Variants in CLEC16A observed in about 807,000 individuals in gnomAD.
CLEC16A encodes C-type lectin domain containing 16A.
CLEC16A carries 51 observed loss-of-function variants against 109.5 expected under a neutral mutation model. The ratio of observed to expected loss-of-function variants is 0.47; its 90% CI spans 0.37 to 0.59. The LOEUF (loss-of-function observed/expected upper bound fraction) is 0.59, where lower values mean the gene tolerates loss of function less well. Among genes scored for constraint, CLEC16A ranks in the 20% least tolerant of loss-of-function variants. The pLI, the probability that CLEC16A is intolerant of heterozygous loss-of-function variation, is 0.00. For missense variants in CLEC16A, 1,339 were observed against 1,394.0 expected (o/e 0.96, Z 0.63); for synonymous variants, 673 against 564.2 (o/e 1.19, Z -2.73).
intron 20 of CLEC16A, among the ~76,000 whole-genome samples, chr16:11,123,276 C>T (rs897152018): frequency 1.3e-5 from 2 of 152,134 alleles, no homozygotes; most frequent in African/African-American, 4.8e-5. Context: ...TGGTTGCCAA[C>T]GATGTCCCCT....
chr16:11,101,863 T>C (rs2050936052), intron 19 of CLEC16A, among the ~76,000 whole-genome samples: 2 of 152,068 alleles, frequency 1.3e-5, no homozygotes, highest in South Asian at 4.2e-4. Context: ...AGTGCAGTGA[T>C]GCAATTATGG....
intron 19 of CLEC16A, among the ~76,000 whole-genome samples, chr16:11,064,717 C>T (rs1597259466): frequency 6.6e-6 from 1 of 152,302 alleles, no homozygotes; most frequent in East Asian, 1.9e-4. Context: ...GTTGAGGCTG[C>T]AGTGAACCCT....
intron 19 of CLEC16A, among the ~76,000 whole-genome samples, chr16:11,071,921 A>T (rs1441511335): frequency 6.6e-6 from 1 of 151,836 alleles, no homozygotes; most frequent in Non-Finnish European, 1.5e-5. Context: ...TGATAATGCC[A>T]TTGTGGTTCT....
chr16:10,972,515 C>T (rs751560050), intron 5 of CLEC16A, 39 bp from the exon 6 acceptor site: 1 of 1,607,784 alleles, frequency 6.2e-7, no homozygotes. Context: ...CTGTTTTTTG[C>T]TTTTCCTTCA....
chr16:10,998,248 G>T (rs910176081), intron 10 of CLEC16A, among the ~76,000 whole-genome samples: 1 of 152,144 alleles, frequency 6.6e-6, no homozygotes, highest in South Asian at 2.1e-4. Flanking sequence ...GTTAGGCCCC[G>T]GGGCACCTCT....
intron 23 of CLEC16A, among the ~76,000 whole-genome samples, chr16:11,172,690 A>T (rs1439865267): frequency 2.0e-5 from 3 of 152,072 alleles, no homozygotes; most frequent in East Asian, 3.9e-4. Context: ...GGAGTTCGAG[A>T]CCAGCCTGGC....
intron 1 of CLEC16A, among the ~76,000 whole-genome samples, chr16:10,949,465 C>T (rs1407101301): frequency 6.6e-6 from 1 of 151,986 alleles, no homozygotes; most frequent in Non-Finnish European, 1.5e-5. Context: ...AAGGATGTTT[C>T]AGGCAGAGGA....
intron 22 of CLEC16A, among the ~76,000 whole-genome samples, chr16:11,163,276 C>T (rs2054790641): frequency 1.3e-5 from 2 of 152,100 alleles, no homozygotes; most frequent in African/African-American, 4.8e-5. Context: ...CTTGAAATTG[C>T]AGGTGGGGGG....
intron 11 of CLEC16A, among the ~76,000 whole-genome samples, chr16:11,012,315 G>A (rs568388646): frequency 3.3e-5 from 5 of 152,310 alleles, no homozygotes; most frequent in African/African-American, 1.2e-4. Context: ...AGATTTATGG[G>A]CCGGGCACGG....
At chr16:11,023,946 G>C (rs553469963) in intron 12 of CLEC16A, among the ~76,000 whole-genome samples, 1 of 152,214 alleles carries the variant, frequency 6.6e-6, no homozygotes, top group African/African-American at 2.4e-5. Flanking sequence ...GTATTTTTCT[G>C]TGAGGCCCTT....
chr16:10,979,528 T>G, intron 9 of CLEC16A, 146 bp downstream of exon 9: 1 of 696,334 alleles, frequency 1.4e-6, no homozygotes, highest in Non-Finnish European at 2.5e-6. Context: ...AGAAGGGGCT[T>G]TCTGTTTTCC....
intron 13 of CLEC16A, among the ~76,000 whole-genome samples, chr16:11,032,633 G>T (rs1038971791): frequency 2.0e-5 from 3 of 152,238 alleles, no homozygotes; most frequent in African/African-American, 7.2e-5. Context: ...GGGTTACTAG[G>T]TGCTAGTCAG....
intron 16 of CLEC16A, among the ~76,000 whole-genome samples, chr16:11,044,407 C>T (rs1567237072): frequency 6.6e-6 from 1 of 152,110 alleles, no homozygotes; most frequent in Non-Finnish European, 1.5e-5. Context: ...ATATGATGCA[C>T]TTATGTTCAT....
At position 11,125,961 on chromosome 16, in the gene CLEC16A, G is replaced by C; in HGVS notation, c.2474-18G>C. On this transcript the variant is annotated intron_variant, in intron 21 of 23. Transcript: ENST00000409790. The stretch of plus-strand genomic sequence containing the variant: ...ATCCCACATGCTCAGAGTGAACCAT[G>C]CTATTGTTTGACCGTAGCCCTCCTG... 6.3e-7 allele frequency: 1 copy of C among 1,575,314 alleles called. No individual in the cohort carries two copies. Among genetic ancestry groups the C allele is most frequent in the East Asian group, 2.3e-5 (1 of 43,618 alleles).
At chr16:11,083,786 G>A (rs1474733455) in intron 19 of CLEC16A, among the ~76,000 whole-genome samples, 3 of 152,204 alleles carry the variant, frequency 2.0e-5, no homozygotes, top group Admixed American at 6.5e-5. Context: ...TGCCTGTGGC[G>A]CTCCCCTGTC....
intron 10 of CLEC16A, among the ~76,000 whole-genome samples, chr16:10,990,231 C>T (rs2043922020): frequency 6.6e-6 from 1 of 152,210 alleles, no homozygotes; most frequent in African/African-American, 2.4e-5. Context: ...ATCCCCTAAT[C>T]CCTCACTGCA....
At position 11,051,173 on chromosome 16, in the gene CLEC16A, A is replaced by G. The variant is rs1281911147; in HGVS notation, c.1867-340A>G. Among the ~76,000 whole-genome samples, 9 of 152,354 alleles carry G rather than the reference A, an allele frequency of 5.9e-5. No homozygotes were observed. In the East Asian group the frequency reaches 7.7e-4, roughly 13 times the overall value. On this transcript the variant is annotated intron_variant, in intron 17 of 23. Coordinates refer to ENST00000409790, the MANE Select transcript of CLEC16A (RefSeq NM_015226.3). ...GGCAGACGGGCTTGCACCCACAGGG[A>G]TAAAGCATACCTGGCCTCCTGCTGA...
At chr16:11,080,577 A>G (rs1162017613) in intron 19 of CLEC16A, among the ~76,000 whole-genome samples, 2 of 152,214 alleles carry the variant, frequency 1.3e-5, no homozygotes, top group Non-Finnish European at 1.5e-5. Context: ...ACACCCAGTT[A>G]TTCTCTTACA....
intron 19 of CLEC16A, among the ~76,000 whole-genome samples, chr16:11,074,756 C>A (rs1449026912): frequency 6.6e-6 from 1 of 152,186 alleles, no homozygotes; most frequent in Non-Finnish European, 1.5e-5. Flanking sequence ...TTCTGAAAAA[C>A]ACACACACAC....
Sources: gnomAD v4.1 joint callset for allele counts (sites outside exome capture counted in the v4.1 genomes callset) on GRCh38, gnomAD v4.1.1 for gene constraint, MANE v1.5 for transcripts, NCBI Gene and HGNC (gene_info 2026-07-23, HGNC 2026-07-21) for gene names.